MAGI3: variants seen among roughly 807,000 people sequenced by gnomAD.
MAGI3 encodes the protein membrane-associated guanylate kinase, WW and PDZ domain-containing protein 3.
A neutral mutation model predicts 121.8 loss-of-function variants in MAGI3; 43 were observed. That is an observed-to-expected ratio of 0.35 (90% CI 0.28 to 0.46). The LOEUF is 0.46. Ranked by LOEUF, MAGI3 falls within the 20% of genes least tolerant of loss-of-function variation. The probability of loss-of-function intolerance (pLI) is 1.00; values close to 1 mark genes in which losing one functional copy is unlikely to be tolerated. For missense variants in MAGI3, 1,547 were observed against 1,797.3 expected, an observed-to-expected ratio of 0.86 and a Z score of 2.52; for synonymous variants, 553 against 639.3, an observed-to-expected ratio of 0.86 and a Z score of 2.04.
intron 1 of MAGI3, chr1:113,450,601 T>C (rs1654430437): frequency 3.7e-6 from 4 of 1,093,050 alleles, no homozygotes; most frequent in Admixed American, 3.4e-5. Context: ...TTGGAAATTA[T>C]AGTGGACAAC....
chr1:113,492,931 G>T lies in MAGI3; in HGVS notation c.317-56584G>T, dbSNP rs183597922. Among the ~76,000 whole-genome samples, 52 of 152,270 alleles carry T rather than the reference G, an allele frequency of 3.4e-4. 1 individual carries two copies. Among genetic ancestry groups the T allele is most frequent in the Admixed American group, 2.1e-3 (32 of 15,294 alleles). ...AATGGAAAAACATTTTATGCTCATG[G>T]ATAGGAAGAATATTGCTAAAATGGC... On this transcript the variant is annotated intron_variant, in intron 1 of 20. Transcript: ENST00000307546.
At chr1:113,413,955 C>G (rs1652152517) in intron 1 of MAGI3, among the ~76,000 whole-genome samples, 1 of 152,136 alleles carries the variant, frequency 6.6e-6, no homozygotes, top group African/African-American at 2.4e-5. Flanking sequence ...CTGTCTTGTG[C>G]TGGTTTTCAA....
intron 1 of MAGI3, among the ~76,000 whole-genome samples, chr1:113,437,806 TTTCTTCTTCTTCTTCTTCTTCTTC>T (rs759591213): frequency 8.4e-6 from 1 of 119,500 alleles, no homozygotes; most frequent in East Asian, 2.6e-4. Context: ...TCTTTCTTCT[TTTCTTCTTCTTCTTCTTCTTCTTC>T]TTCTTCTTCT....
chr1:113,631,417 C>T (rs114640388), intron 9 of MAGI3, among the ~76,000 whole-genome samples: 3,356 of 152,208 alleles, frequency 0.022, 130 homozygotes, highest in African/African-American at 0.076. Flanking sequence ...CCCTCCGTCA[C>T]CATCTATCCT....
At chr1:113,485,948 T>G (rs2101572638) in intron 1 of MAGI3, among the ~76,000 whole-genome samples, 1 of 152,280 alleles carries the variant, frequency 6.6e-6, no homozygotes, top group Middle Eastern at 3.4e-3. Flanking sequence ...TGTTTTTGTT[T>G]GCTTTGTCAA....
chr1:113,419,553 TG>T (rs1192330238), intron 1 of MAGI3, among the ~76,000 whole-genome samples: 5 of 152,230 alleles, frequency 3.3e-5, no homozygotes, highest in Non-Finnish European at 7.4e-5. Context: ...TCTTTTGGGC[TG>T]GGGGTGTAGA....
intron 9 of MAGI3, among the ~76,000 whole-genome samples, chr1:113,629,746 C>G (rs1651481988): frequency 1.8e-5 from 2 of 111,036 alleles, no homozygotes; most frequent in South Asian, 5.8e-4. Flanking sequence ...CTCTCTCTCT[C>G]TCTCTCTCTC....
chr1:113,651,138 A>G lies in MAGI3; in HGVS notation c.2372A>G (p.Asp791Gly), dbSNP rs1354030956. The G allele has an allele frequency of 6.2e-7, 1 of 1,614,172 alleles. No homozygotes were observed. Among genetic ancestry groups the G allele is most frequent in the East Asian group, 2.2e-5 (1 of 44,876 alleles). The change falls in exon 14 of 21, where the codon GAC (aspartate) becomes GGC (glycine). Residue 791 changes from aspartate (D) to glycine (G), a missense_variant. Coordinates refer to ENST00000307546, the MANE Select transcript of MAGI3 (RefSeq NM_001142782.2). ...GGGAAATCACACAAACAAGTCTTGGACCTCATGACAACTGCTGCTCGAAAT... is the reference window on the plus strand; with the variant it reads ...GGGAAATCACACAAACAAGTCTTGGGCCTCATGACAACTGCTGCTCGAAAT... ...VKGKSHKQVLDLMTTAARNGH... is the reference protein window; with the variant it reads ...VKGKSHKQVLGLMTTAARNGH...
At chr1:113,560,378 AAAAC>A (rs1660178104) in intron 2 of MAGI3, among the ~76,000 whole-genome samples, 1 of 151,730 alleles carries the variant, frequency 6.6e-6, no homozygotes, top group African/African-American at 2.4e-5. Flanking sequence ...TCCATCTTAA[AAAAC>A]AAACAAAAAA....
intron 1 of MAGI3, among the ~76,000 whole-genome samples, chr1:113,529,759 CAA>C (rs1399971845): frequency 6.6e-6 from 1 of 151,594 alleles, no homozygotes; most frequent in East Asian, 1.9e-4. Flanking sequence ...TGAAATAAAA[CAA>C]AATATAATAA....
chr1:113,511,991 C>T (rs111523578), intron 1 of MAGI3, among the ~76,000 whole-genome samples: 23 of 152,250 alleles, frequency 1.5e-4, no homozygotes, highest in African/African-American at 5.1e-4. Context: ...CAAAGGTTTC[C>T]TCTTAAGTCT....
At chr1:113,650,183 G>T (rs1226113371) in intron 13 of MAGI3, among the ~76,000 whole-genome samples, 1 of 151,782 alleles carries the variant, frequency 6.6e-6, no homozygotes, top group African/African-American at 2.4e-5. Flanking sequence ...TGGTCATATT[G>T]GTTACAGTTA....
At position 113,684,717 on chromosome 1, in the gene MAGI3, TAAG is replaced by T. The variant is rs1183818159; in HGVS notation, c.*706_*708del. ...ATTACTTACAATTGAATGTTTGAAA[TAAG>T]AAAGTACTTTAAGCAATAGAGTTCA... is the stretch of plus-strand genomic sequence containing the variant. On this transcript the variant is annotated 3_prime_UTR_variant, in exon 21 of 21. Coordinates refer to ENST00000307546, the MANE Select transcript of MAGI3 (RefSeq NM_001142782.2). 1 of 152,382 alleles carries T rather than the reference TAAG, an allele frequency of 6.6e-6. No individual in the cohort carries two copies. The highest frequency in any genetic ancestry group is 2.4e-5 in the African/African-American group (1 of 41,462). The allele number at this position is 152,382 out of a possible 1,614,324, so 9.4% of individuals were successfully genotyped here.
chr1:113,547,914 T>C (rs187770378), intron 1 of MAGI3, among the ~76,000 whole-genome samples: 68 of 152,310 alleles, frequency 4.5e-4, no homozygotes, highest in African/African-American at 1.6e-3. Flanking sequence ...TCAGCATCTA[T>C]TTTTAGCAAG....
At chr1:113,528,712 G>A (rs1658570601) in intron 1 of MAGI3, among the ~76,000 whole-genome samples, 1 of 152,046 alleles carries the variant, frequency 6.6e-6, no homozygotes, top group Non-Finnish European at 1.5e-5. Context: ...GCATTCTTAG[G>A]TAAATAAGAA....
Position 113,609,509 on chromosome 1 carries a change from T to C in MAGI3, c.1019-5092T>C, listed in dbSNP as rs191605611. Among the ~76,000 whole-genome samples, 7 of 152,330 alleles carry C rather than the reference T, an allele frequency of 4.6e-5. No homozygotes were observed. In the East Asian group the frequency reaches 1.2e-3, roughly 25 times the overall value. On this transcript the variant is annotated intron_variant, in intron 6 of 20. Transcript: ENST00000307546. ...ATAGTGTTTTGGTTAGGTAGTTGTC[T>C]TGAAAATACAACATTAGGAATTCGT...
At chr1:113,667,004 C>T (rs1654075775) in intron 16 of MAGI3, among the ~76,000 whole-genome samples, 1 of 152,162 alleles carries the variant, frequency 6.6e-6, no homozygotes, top group African/African-American at 2.4e-5. Flanking sequence ...TTAAATTATT[C>T]AGTAAATCAT....
At position 113,684,130 on chromosome 1, in the gene MAGI3, G is replaced by A; in HGVS notation, c.*116G>A. On this transcript the variant is annotated 3_prime_UTR_variant, in exon 21 of 21. Transcript: ENST00000307546. Reference sequence around the variant, plus strand: ...CTGAAACAGATAAGTACATGTTAATGTGAGCCTCAAGTTACCTAGGCTGCA... The same window carrying A: ...CTGAAACAGATAAGTACATGTTAATATGAGCCTCAAGTTACCTAGGCTGCA... The A allele has an allele frequency of 8.3e-7, 1 of 1,199,952 alleles. No individual in the cohort carries two copies. Among genetic ancestry groups the A allele is most frequent in the Non-Finnish European group, 1.1e-6 (1 of 894,178 alleles). 74.3% of individuals were successfully genotyped at this position (1,199,952 alleles called of 1,614,324 possible). A position where few individuals can be genotyped will look rare whatever the true frequency, so the allele number is the denominator to read the frequency against.
At chr1:113,397,392 TGTTTGG>T (rs1213776852) in intron 1 of MAGI3, among the ~76,000 whole-genome samples, 1 of 152,168 alleles carries the variant, frequency 6.6e-6, no homozygotes, top group Non-Finnish European at 1.5e-5. Flanking sequence ...ATTTTGAACT[TGTTTGG>T]GTTTTGAAAG....
Sources: allele counts gnomAD v4.1 joint callset (sites outside exome capture counted in the v4.1 genomes callset), GRCh38; gene constraint gnomAD v4.1.1; transcripts MANE v1.5; gene names NCBI Gene and HGNC (gene_info 2026-07-23, HGNC 2026-07-21).